Variants in UBTD1 observed in about 807,000 individuals in gnomAD.
UBTD1 encodes the protein ubiquitin domain containing 1.
UBTD1 carries 19 observed loss-of-function variants against 21.7 expected under a neutral mutation model. The ratio of observed to expected loss-of-function variants is 0.87; its 90% CI spans 0.61 to 1.28. The LOEUF is 1.28. Among genes scored for constraint, UBTD1 ranks in the 50% most tolerant of loss-of-function variants. The pLI is 0.00. For synonymous variants in UBTD1, 116 were observed against 135.1 expected (o/e 0.86, Z 0.98); for missense variants, 282 against 315.1 (o/e 0.89, Z 0.80).
intron 1 of UBTD1, among the ~76,000 whole-genome samples, chr10:97,530,211 AATGAATGAATGAATGGATGGATGAATCG>A (rs1476295686): frequency 6.6e-6 from 1 of 152,028 alleles, no homozygotes; most frequent in Admixed American, 6.6e-5. Context: ...TGAATGAATG[AATGAATGAATGAATGGATGGATGAATCG>A]ATGAATGAAT....
chr10:97,506,292 C>T (rs910253417), intron 1 of UBTD1, among the ~76,000 whole-genome samples: 1 of 152,142 alleles, frequency 6.6e-6, no homozygotes, highest in South Asian at 2.1e-4. Flanking sequence ...CAGTCCTACC[C>T]GGTCAGTTAC....
intron 1 of UBTD1, among the ~76,000 whole-genome samples, chr10:97,539,288 C>T (rs1837445672): frequency 6.6e-6 from 1 of 152,166 alleles, no homozygotes; most frequent in African/African-American, 2.4e-5. Context: ...CAAAGCCTTT[C>T]ACTAACTTCG....
intron 1 of UBTD1, among the ~76,000 whole-genome samples, chr10:97,535,092 C>T (rs903619310): frequency 1.3e-5 from 2 of 152,158 alleles, no homozygotes; most frequent in African/African-American, 4.8e-5. Context: ...CTGGGCTTTT[C>T]TGCCCATTCT....
At chr10:97,551,055 G>C (rs1272649443) in intron 1 of UBTD1, among the ~76,000 whole-genome samples, 1 of 152,166 alleles carries the variant, frequency 6.6e-6, no homozygotes, top group Non-Finnish European at 1.5e-5. Context: ...TTTACAAATA[G>C]GTTCTTAAGT....
chr10:97,550,038 G>A (rs1051672336), intron 1 of UBTD1, among the ~76,000 whole-genome samples: 6 of 152,228 alleles, frequency 3.9e-5, no homozygotes, highest in African/African-American at 1.4e-4. Context: ...CTGCTGGGGT[G>A]GGAGGAGAGA....
At chr10:97,540,685 T>C (rs2040583260) in intron 1 of UBTD1, among the ~76,000 whole-genome samples, 1 of 152,242 alleles carries the variant, frequency 6.6e-6, no homozygotes, top group South Asian at 2.1e-4. Flanking sequence ...GCCAGGGTTC[T>C]CTCTCAGGTT....
intron 1 of UBTD1, among the ~76,000 whole-genome samples, chr10:97,560,403 C>G (rs1003775511): frequency 1.3e-5 from 2 of 152,102 alleles, no homozygotes; most frequent in African/African-American, 4.8e-5. Context: ...TTAATAAGAC[C>G]TTGTTTAGTC....
chr10:97,521,382 C>G (rs2040466359), intron 1 of UBTD1, among the ~76,000 whole-genome samples: 2 of 152,254 alleles, frequency 1.3e-5, no homozygotes, highest in South Asian at 4.1e-4. Context: ...TTCTGTTCCC[C>G]CTGAGGGAGA....
At chr10:97,553,490 A>G (rs1394285495) in intron 1 of UBTD1, among the ~76,000 whole-genome samples, 1 of 152,230 alleles carries the variant, frequency 6.6e-6, no homozygotes, top group Non-Finnish European at 1.5e-5. Flanking sequence ...ATATGCTTAG[A>G]TGAAAAACTT....
At chr10:97,501,496 A>G (rs2040376197) in intron 1 of UBTD1, among the ~76,000 whole-genome samples, 1 of 151,894 alleles carries the variant, frequency 6.6e-6, no homozygotes, top group Non-Finnish European at 1.5e-5. Flanking sequence ...AGGCTGAGGC[A>G]GGGAGATTGC....
rs1589885896 is a variant in UBTD1 at position 97,568,205 on chromosome 10, G to C, written c.298+64G>C. ...TAGGGGGTCACCAGCACAGTTTGAG[G>C]GTGTTGAGGAGTGTGGAGCGGTGGG... On this transcript the variant is annotated intron_variant, in intron 2 of 2. Coordinates refer to ENST00000370664, the MANE Select transcript of UBTD1 (RefSeq NM_024954.5). 3.2e-6 allele frequency: 5 copies of C among 1,575,452 alleles called. No homozygotes were observed. In the East Asian group the frequency reaches 1.1e-4, roughly 35 times the overall value.
At chr10:97,559,878 T>A (rs1184752718) in intron 1 of UBTD1, among the ~76,000 whole-genome samples, 1 of 152,184 alleles carries the variant, frequency 6.6e-6, no homozygotes. Context: ...TTTAAAACAT[T>A]AATTTTTTTA....
Position 97,570,049 on chromosome 10 carries a change from T to C in UBTD1, c.299-89T>C. On this transcript the variant is annotated intron_variant, in intron 2 of 2. Coordinates refer to ENST00000370664, the MANE Select transcript of UBTD1 (RefSeq NM_024954.5). This position sits in a 1 kb window ranked among gnomAD's most constrained non-coding sequence, Gnocchi z 6.6. ...AATACAGTCACATTGGGGGTTAGAG[T>C]TTCACCATATGAATTTGGGGGGACC... The C allele has an allele frequency of 1.3e-6, 2 of 1,502,788 alleles. No homozygotes were observed. The highest frequency in any genetic ancestry group is 1.8e-6 in the Non-Finnish European group (2 of 1,122,612). 93.1% of individuals were successfully genotyped at this position (1,502,788 alleles called of 1,614,324 possible).
chr10:97,535,813 G>C (rs1381259241), intron 1 of UBTD1, among the ~76,000 whole-genome samples: 3 of 151,624 alleles, frequency 2.0e-5, no homozygotes, highest in Non-Finnish European at 4.4e-5. Context: ...AGCTACTCAG[G>C]AGGCTGAGGT....
intron 1 of UBTD1, among the ~76,000 whole-genome samples, chr10:97,558,021 C>A (rs569566196): frequency 6.6e-6 from 1 of 152,284 alleles, no homozygotes; most frequent in East Asian, 1.9e-4. Context: ...TGATGAGTTT[C>A]CTCATGCTTC....
intron 1 of UBTD1, among the ~76,000 whole-genome samples, chr10:97,545,003 T>A (rs1368497217): frequency 6.6e-6 from 1 of 151,986 alleles, no homozygotes; most frequent in Non-Finnish European, 1.5e-5. Context: ...CTCGAACCCA[T>A]GTTGTTCAAG....
chr10:97,533,699 A>G (rs953057663), intron 1 of UBTD1, among the ~76,000 whole-genome samples: 1 of 152,038 alleles, frequency 6.6e-6, no homozygotes, highest in Non-Finnish European at 1.5e-5. Context: ...TGAGGCGGGC[A>G]GATCACTTGA....
chr10:97,517,314 CTGG>C (rs1172690792), intron 1 of UBTD1, among the ~76,000 whole-genome samples: 1 of 152,030 alleles, frequency 6.6e-6, no homozygotes, highest in Admixed American at 6.6e-5. Flanking sequence ...ACTGGAGAGC[CTGG>C]TGGTGGTGGC....
At chr10:97,501,532 GT>G (rs1467230683) in intron 1 of UBTD1, among the ~76,000 whole-genome samples, 1 of 152,308 alleles carries the variant, frequency 6.6e-6, no homozygotes, top group East Asian at 1.9e-4. Context: ...CGCAGAGGTT[GT>G]AGTGAGCTGA....
Sources: gnomAD v4.1 joint callset for allele counts (sites outside exome capture counted in the v4.1 genomes callset) on GRCh38, gnomAD v4.1.1 for gene constraint, Gnocchi (gnomAD v3.1) non-coding constraint, MANE v1.5 for transcripts, NCBI Gene and HGNC (gene_info 2026-07-23, HGNC 2026-07-21) for gene names.